Variants in LAMA1 observed in about 807,000 individuals in gnomAD.
The protein encoded by LAMA1 is laminin subunit alpha 1.
Under a neutral mutation model 348.7 loss-of-function variants are expected in LAMA1, and 219 were observed. The ratio of observed to expected loss-of-function variants is 0.63; its 90% CI spans 0.56 to 0.70. LAMA1 has a LOEUF of 0.70. Among genes scored for constraint, LAMA1 ranks in the 30% least tolerant of loss-of-function variants. The pLI, the probability that LAMA1 is intolerant of heterozygous loss-of-function variation, is 0.00. For missense variants in LAMA1, 3,744 were observed against 3,888.0 expected (o/e 0.96, Z 0.99); for synonymous variants, 1,487 against 1,491.0 (o/e 1.00, Z 0.06).
rs765310449 is a variant in LAMA1, at chr18:6,948,483, A to AC, written c.8629dup (p.Val2877GlyfsTer20). On this transcript the variant is annotated frameshift_variant, in exon 60 of 63. Transcript: ENST00000389658. LOFTEE classifies it high-confidence loss of function. The stretch of plus-strand genomic sequence containing the variant: ...GCACCTGTTCACCGTGAAGGCAGAC[A>AC]CCGGGCTGTCCTTGTCCAGCTGTTT... 1 of 1,614,210 alleles carries AC rather than the reference A, an allele frequency of 6.2e-7. No homozygotes were observed. Among genetic ancestry groups the AC allele is most frequent in the South Asian group, 1.1e-5 (1 of 91,090 alleles).
intron 3 of LAMA1, among the ~76,000 whole-genome samples, chr18:7,070,412 A>T (rs2058141051): frequency 6.6e-6 from 1 of 152,230 alleles, no homozygotes; most frequent in Admixed American, 6.5e-5. Flanking sequence ...TGCAATAAAA[A>T]TCTTTAAAGA....
In LAMA1 at chr18:7,090,580, C is replaced by T. The variant is rs895005195; in HGVS notation, c.62-10123G>A. Among the ~76,000 whole-genome samples, 10 of 151,864 alleles carry T rather than the reference C, an allele frequency of 6.6e-5. No homozygotes were observed. The South Asian group carries it at 1.0e-3, about 16-fold the overall frequency. Reference sequence around the variant, plus strand: ...AAAGAAAAGCTTTAAGATATTCTAGCGATTCCACCAGGCAAGGACCAAAGC... The same window carrying T: ...AAAGAAAAGCTTTAAGATATTCTAGTGATTCCACCAGGCAAGGACCAAAGC... On this transcript the variant is annotated intron_variant, in intron 1 of 62. Transcript: ENST00000389658.
At chr18:7,052,626 C>T (rs948091828) in intron 3 of LAMA1, among the ~76,000 whole-genome samples, 5 of 152,144 alleles carry the variant, frequency 3.3e-5, no homozygotes, top group Non-Finnish European at 7.4e-5. Context: ...ACTTTTGAGG[C>T]TGAGGCAGGA....
chr18:7,028,228 C>A (rs1266257505), intron 16 of LAMA1, among the ~76,000 whole-genome samples: 1 of 152,116 alleles, frequency 6.6e-6, no homozygotes, highest in African/African-American at 2.4e-5. Context: ...ATTAGATTGG[C>A]GTGGGAAGCT....
At chr18:7,014,795 T>A (rs770422683) in intron 22 of LAMA1, among the ~76,000 whole-genome samples, 1 of 152,172 alleles carries the variant, frequency 6.6e-6, no homozygotes, top group African/African-American at 2.4e-5. Context: ...GAAGATAGTA[T>A]ACATTGCACA....
rs193280627 is a variant in LAMA1 at position 7,047,245 on chromosome 18, G to A, written c.769-878C>T. ...TTTTTAGTAGAGACGGGGTTTCACC[G>A]TGTTAGCCAGGATGGTCTTGATCTC... On this transcript the variant is annotated intron_variant, in intron 5 of 62. Transcript: ENST00000389658. 3.9e-5 allele frequency among the ~76,000 whole-genome samples: 6 copies of A among 151,958 alleles called. No individual in the cohort carries two copies. The East Asian group carries it at 5.8e-4, about 15-fold the overall frequency.
intron 61 of LAMA1, 38 bp downstream of exon 61, chr18:6,947,125 T>C: frequency 1.2e-6 from 2 of 1,613,568 alleles, no homozygotes; most frequent in Admixed American, 3.3e-5. Context: ...TCTCTGACAC[T>C]GGGGGGAGGA....
At chr18:7,026,591 T>G (rs2057944544) in intron 16 of LAMA1, among the ~76,000 whole-genome samples, 1 of 152,198 alleles carries the variant, frequency 6.6e-6, no homozygotes, top group Non-Finnish European at 1.5e-5. Context: ...ACACTGGGAC[T>G]CCCATTGGCA....
chr18:6,966,358 A>C, intron 48 of LAMA1, 61 bp from the exon 49 acceptor site: 1 of 1,421,558 alleles, frequency 7.0e-7, no homozygotes, highest in Non-Finnish European at 9.8e-7. Flanking sequence ...AACCAAGAAC[A>C]CACTTACTGA....
chr18:7,009,675 T>C (rs1343041460), intron 26 of LAMA1, among the ~76,000 whole-genome samples: 2 of 152,212 alleles, frequency 1.3e-5, no homozygotes, highest in East Asian at 1.9e-4. Flanking sequence ...ACTATCTCTA[T>C]GCAGGTTGAA....
At chr18:7,109,168 C>T (rs1370922771) in intron 1 of LAMA1, among the ~76,000 whole-genome samples, 2 of 152,188 alleles carry the variant, frequency 1.3e-5, no homozygotes, top group Non-Finnish European at 2.9e-5. Context: ...ACCACATACC[C>T]AGAGAGGTGC....
intron 1 of LAMA1, among the ~76,000 whole-genome samples, chr18:7,105,441 AAAAT>A (rs762965770): frequency 0.088 from 12,722 of 144,274 alleles, 1,083 homozygotes; most frequent in African/African-American, 0.23. Flanking sequence ...TTCATCTCAA[AAAAT>A]AAATAAATAA....
In LAMA1 at chr18:6,956,674, C is replaced by G; in HGVS notation, c.8056G>C (p.Glu2686Gln). 3 of 1,614,208 alleles carry G rather than the reference C, an allele frequency of 1.9e-6. No individual in the cohort carries two copies. Among genetic ancestry groups the G allele is most frequent in the South Asian group, 1.1e-5 (1 of 91,090 alleles). ...SERPKLAPDA[E>Q]DSKLLPEPRA... ...GGCTCTGGCAAGAGCTTGCTGTCCT[C>G]TGCATCGGGAGCCAGCTTAGGCCTT... The change falls in exon 56 of 63, where the codon GAG becomes CAG. Residue 2686 changes from glutamate (E) to glutamine (Q), a missense_variant. Coordinates refer to ENST00000389658, the MANE Select transcript of LAMA1 (RefSeq NM_005559.4).
chr18:6,996,096 G>T (rs758965558), intron 33 of LAMA1, among the ~76,000 whole-genome samples: 2 of 152,010 alleles, frequency 1.3e-5, no homozygotes, highest in South Asian at 4.1e-4. Flanking sequence ...TATACTGATC[G>T]TGTATATAGT....
In LAMA1 at chr18:6,993,776, GTTAGTTTGACTTTAAGTAA is replaced by G. The variant is rs763749382; in HGVS notation, c.4897-43_4897-25del. On this transcript the variant is annotated intron_variant, in intron 34 of 62. Coordinates refer to ENST00000389658, the MANE Select transcript of LAMA1 (RefSeq NM_005559.4). ...AGCTGGTGGAAAAATAAAGTCTCAG[GTTAGTTTGACTTTAAGTAA>G]TTAGTTTGACTTTAAATAATACGCA... The G allele has an allele frequency of 6.4e-6, 9 of 1,404,730 alleles. 1 individual carries two copies. Among genetic ancestry groups the G allele is most frequent in the African/African-American group, 4.2e-5 (3 of 71,116 alleles). The allele number at this position is 1,404,730 out of a possible 1,614,324, so 87.0% of individuals were successfully genotyped here.
chr18:7,053,443 G>A (rs1598298686), intron 3 of LAMA1, among the ~76,000 whole-genome samples: 1 of 152,116 alleles, frequency 6.6e-6, no homozygotes, highest in East Asian at 1.9e-4. Flanking sequence ...GAGAGAGTGA[G>A]GAGTATGGAA....
At chr18:6,947,368 C>G in intron 60 of LAMA1, 72 bp from the exon 61 acceptor site, 1 of 1,598,300 alleles carries the variant, frequency 6.3e-7, no homozygotes, top group South Asian at 1.1e-5. Flanking sequence ...GGCCTCCTGG[C>G]TAGGGGTTGG....
chr18:6,969,686 C>T (rs1319984571), intron 48 of LAMA1, among the ~76,000 whole-genome samples: 1 of 152,184 alleles, frequency 6.6e-6, no homozygotes, highest in Non-Finnish European at 1.5e-5. Flanking sequence ...TACTACTCAG[C>T]TGGGTGGCCA....
At chr18:7,046,014 C>T (rs2058040669) in intron 6 of LAMA1, among the ~76,000 whole-genome samples, 1 of 150,982 alleles carries the variant, frequency 6.6e-6, no homozygotes, top group Admixed American at 6.6e-5. Flanking sequence ...GGCCACTGAA[C>T]TGTACACTTT....
Sources: allele counts gnomAD v4.1 joint callset (sites outside exome capture counted in the v4.1 genomes callset), GRCh38; gene constraint gnomAD v4.1.1; transcripts MANE v1.5; gene names NCBI Gene and HGNC (gene_info 2026-07-23, HGNC 2026-07-21).